The following MEGF11 variants were observed in gnomAD, a reference collection of about 807,000 sequenced individuals.
MEGF11 encodes the protein multiple epidermal growth factor-like domains protein 11.
MEGF11 carries 126 observed loss-of-function variants against 146.6 expected under a neutral mutation model. The ratio of observed to expected loss-of-function variants is 0.86; its 90% CI spans 0.74 to 1.00. The LOEUF is 1.00. Ranked by LOEUF, MEGF11 falls within the 50% of genes least tolerant of loss-of-function variation. The probability of loss-of-function intolerance (pLI) is 0.00; values close to 1 mark genes in which losing one functional copy is unlikely to be tolerated. For synonymous variants in MEGF11, 532 were observed against 583.4 expected (o/e 0.91, Z 1.27); for missense variants, 1,509 against 1,521.2 (o/e 0.99, Z 0.13).
At chr15:66,058,639 GA>G (rs2084776698) in intron 5 of MEGF11, among the ~76,000 whole-genome samples, 1 of 152,108 alleles carries the variant, frequency 6.6e-6, no homozygotes, top group Non-Finnish European at 1.5e-5. Flanking sequence ...CTGAGGAAGG[GA>G]TAAAGTTGCC....
intron 1 of MEGF11, among the ~76,000 whole-genome samples, chr15:66,141,771 A>G (rs2089178072): frequency 6.6e-6 from 1 of 152,130 alleles, no homozygotes; most frequent in African/African-American, 2.4e-5. Context: ...AGACCTCCTG[A>G]ACCATGTTAG....
At chr15:65,923,073 T>C in intron 13 of MEGF11, 104 bp from the exon 14 acceptor site, 1 of 1,260,646 alleles carries the variant, frequency 7.9e-7, no homozygotes, top group Non-Finnish European at 1.1e-6. Context: ...GAGGCAAGCA[T>C]AGTGCATCCA....
At chr15:65,960,080 CAA>C (rs760390310) in intron 9 of MEGF11, among the ~76,000 whole-genome samples, 33 of 151,278 alleles carry the variant, frequency 2.2e-4, no homozygotes, top group Non-Finnish European at 2.8e-4. Context: ...TTCTATCAAT[CAA>C]TGCTGCATCT....
At chr15:66,133,240 C>T (rs1210549724) in intron 1 of MEGF11, among the ~76,000 whole-genome samples, 28 of 152,206 alleles carry the variant, frequency 1.8e-4, no homozygotes, top group Admixed American at 1.8e-3. Flanking sequence ...CCATCAGCAC[C>T]AGCGCATGTC....
chr15:66,008,411 G>GCGCACA (rs1188469509), intron 5 of MEGF11, among the ~76,000 whole-genome samples: 27 of 52,110 alleles, frequency 5.2e-4, no homozygotes, highest in African/African-American at 1.3e-3. Flanking sequence ...ACGCGCGCGC[G>GCGCACA]CACACACACA....
intron 5 of MEGF11, among the ~76,000 whole-genome samples, chr15:66,079,987 G>A (rs2085777706): frequency 6.6e-6 from 1 of 152,246 alleles, no homozygotes; most frequent in Non-Finnish European, 1.5e-5. Flanking sequence ...GAGCATGGGA[G>A]AGAGGAGACT....
At chr15:66,072,080 C>T (rs2085391830) in intron 5 of MEGF11, among the ~76,000 whole-genome samples, 2 of 152,190 alleles carry the variant, frequency 1.3e-5, no homozygotes, top group Non-Finnish European at 2.9e-5. Context: ...AAGATGCCTT[C>T]GCGTCCCCAG....
intron 1 of MEGF11, among the ~76,000 whole-genome samples, chr15:66,209,932 A>G (rs1316232978): frequency 6.6e-6 from 1 of 151,592 alleles, no homozygotes; most frequent in Non-Finnish European, 1.5e-5. Flanking sequence ...TGATCCTCCC[A>G]CCTCAGCCTT....
chr15:65,916,871 GGCCCC>G lies in MEGF11; in HGVS notation c.2167_2171del (p.Gly723LeufsTer38). 1 of 1,595,996 alleles carries G rather than the reference GGCCCC, an allele frequency of 6.3e-7. No individual in the cohort carries two copies. Among genetic ancestry groups the G allele is most frequent in the Non-Finnish European group, 8.5e-7 (1 of 1,169,948 alleles). ...CAGTCCAGCCAGGGGTGCAGTGGCA[GGCCCC>G]GTCCTCGGCGCTGCAGCTCGCCCCG... On this transcript the variant is annotated frameshift_variant, in exon 17 of 26. Coordinates refer to ENST00000395614, the MANE Select transcript of MEGF11 (RefSeq NM_001385028.1). LOFTEE classifies it high-confidence loss of function.
chr15:66,221,651 T>A (rs1231084468), intron 1 of MEGF11, among the ~76,000 whole-genome samples: 5 of 149,564 alleles, frequency 3.3e-5, no homozygotes, highest in Non-Finnish European at 7.5e-5. Flanking sequence ...ATTCTGTCCA[T>A]ATTTTGTCTG....
At chr15:66,029,513 T>C (rs1244080026) in intron 5 of MEGF11, among the ~76,000 whole-genome samples, 4 of 152,236 alleles carry the variant, frequency 2.6e-5, no homozygotes, top group African/African-American at 9.6e-5. Flanking sequence ...GTGTCCCATT[T>C]GGGACATGGC....
chr15:66,072,961 C>A (rs939017429), intron 5 of MEGF11, among the ~76,000 whole-genome samples: 1 of 152,224 alleles, frequency 6.6e-6, no homozygotes, highest in Admixed American at 6.5e-5. Context: ...AATAAGAAAT[C>A]GGCCAGGGCT....
chr15:66,216,079 A>AAAAAT (rs2091575153), intron 1 of MEGF11, among the ~76,000 whole-genome samples: 3 of 152,224 alleles, frequency 2.0e-5, no homozygotes, highest in Non-Finnish European at 4.4e-5. Flanking sequence ...CTCAGGCTGG[A>AAAAAT]AAAATAAAAT....
chr15:65,943,967 G>T (rs1206894964), intron 10 of MEGF11, among the ~76,000 whole-genome samples: 1 of 152,152 alleles, frequency 6.6e-6, no homozygotes, highest in Non-Finnish European at 1.5e-5. Flanking sequence ...AGTGTCCTAG[G>T]TGGGAGCCAG....
At chr15:66,113,437 A>G (rs936615468) in intron 4 of MEGF11, among the ~76,000 whole-genome samples, 4 of 152,104 alleles carry the variant, frequency 2.6e-5, no homozygotes, top group Non-Finnish European at 5.9e-5. Context: ...TGCCGGGGGG[A>G]AACTATGTCG....
chr15:66,013,343 C>T (rs776941457), intron 5 of MEGF11, among the ~76,000 whole-genome samples: 31 of 152,174 alleles, frequency 2.0e-4, no homozygotes, highest in Non-Finnish European at 4.6e-4. Flanking sequence ...TCTGTCTGGG[C>T]CTTGAGAATT....
intron 5 of MEGF11, among the ~76,000 whole-genome samples, chr15:66,025,850 G>A (rs1046668311): frequency 6.6e-6 from 1 of 152,168 alleles, no homozygotes; most frequent in African/African-American, 2.4e-5. Context: ...CACAATGATG[G>A]GGGAATTCCT....
chr15:65,998,032 TG>T (rs1567195905), intron 5 of MEGF11, among the ~76,000 whole-genome samples: 1 of 149,626 alleles, frequency 6.7e-6, no homozygotes, highest in African/African-American at 2.5e-5. Flanking sequence ...CGGGCAGGGG[TG>T]GGGGGCACTG....
Position 65,898,019 on chromosome 15 carries a change from C to T in MEGF11, c.3338G>A (p.Arg1113Lys). 6.2e-7 allele frequency: 1 copy of T among 1,613,998 alleles called. No individual in the cohort carries two copies. The change falls in exon 26 of 26, where the codon AGG becomes AAG. Residue 1113 changes from arginine to lysine, a missense_variant. Coordinates refer to ENST00000395614, the MANE Select transcript of MEGF11 (RefSeq NM_001385028.1). ...SYIQNAYDLP[R>K]NSHIPGHYDL... The stretch of plus-strand genomic sequence containing the variant: ...ATAATGACCAGGAATATGGCTGTTC[C>T]TAGGTAGGTCGTATGCATTCTGGAT...
Sources: allele counts gnomAD v4.1 joint callset (sites outside exome capture counted in the v4.1 genomes callset), GRCh38; gene constraint gnomAD v4.1.1; transcripts MANE v1.5; gene names NCBI Gene and HGNC (gene_info 2026-07-23, HGNC 2026-07-21).